The following NCOA4 variants were observed in gnomAD, a reference collection of about 807,000 sequenced individuals.
NCOA4 encodes the protein 70 kDa AR-activator.
In NCOA4, 31 loss-of-function variants were observed where a neutral mutation model predicts 69.5. The observed-to-expected ratio is 0.45, with a 90% CI of 0.34 to 0.60. The LOEUF (loss-of-function observed/expected upper bound fraction) is 0.60, where lower values mean the gene tolerates loss of function less well. Ranked by LOEUF, NCOA4 falls within the 20% of genes least tolerant of loss-of-function variation. The pLI is 0.02. For synonymous variants in NCOA4, 228 were observed against 252.4 expected (o/e 0.90, Z 0.92); for missense variants, 600 against 719.2 (o/e 0.83, Z 1.90).
chr10:46,009,675 C>T, intron 8 of NCOA4, 124 bp from the exon 9 acceptor site: 2 of 877,492 alleles, frequency 2.3e-6, no homozygotes, highest in Non-Finnish European at 1.7e-6. Context: ...CAACCAAAAA[C>T]AAAGGTGACA....
At chr10:46,027,512 A>T (rs1554925753) in intron 1 of NCOA4, 53 of 1,542,448 alleles carry the variant, frequency 3.4e-5, no homozygotes, top group Non-Finnish European at 4.6e-5. Context: ...ATGTTGAAGC[A>T]ATGTGTCCAG....
At position 46,005,848 on chromosome 10, in the gene NCOA4, AG is replaced by A. The variant is rs1838780168; in HGVS notation, c.*743del. ...GTACTGGGGTTCTTTTAAGCCCCGT[AG>A]GTCTGTAGAATATTTTAAAAGGCTA... is the stretch of plus-strand genomic sequence containing the variant. On this transcript the variant is annotated 3_prime_UTR_variant, in exon 10 of 10. Transcript: ENST00000581486. 4.8e-6 allele frequency: 1 copy of A among 207,516 alleles called. No individual in the cohort carries two copies. Among genetic ancestry groups the A allele is most frequent in the Non-Finnish European group, 9.8e-6 (1 of 101,700 alleles). The allele number at this position is 207,516 out of a possible 1,614,324, so 12.9% of individuals were successfully genotyped here. A position where few individuals can be genotyped will look rare whatever the true frequency, so the allele number is the denominator to read the frequency against.
At chr10:46,025,074 C>T (rs1554925274) in intron 1 of NCOA4, among the ~76,000 whole-genome samples, 1 of 152,078 alleles carries the variant, frequency 6.6e-6, no homozygotes. Flanking sequence ...AGCTGGAGAC[C>T]CTGGGATGCC....
chr10:46,020,180 G>C (rs1193682950), intron 1 of NCOA4, among the ~76,000 whole-genome samples: 1 of 152,190 alleles, frequency 6.6e-6, no homozygotes, highest in Non-Finnish European at 1.5e-5. Context: ...ATTTTCAACA[G>C]TTATTCACCA....
chr10:46,014,815 C>A (rs201532714), intron 4 of NCOA4, 39 bp downstream of exon 4: 9 of 1,538,980 alleles, frequency 5.8e-6, no homozygotes, highest in South Asian at 1.2e-5. Flanking sequence ...TACCAAAGTT[C>A]AAGAGTCAAA....
chr10:46,028,207 G>A (rs1840262655), intron 1 of NCOA4, among the ~76,000 whole-genome samples: 1 of 152,070 alleles, frequency 6.6e-6, no homozygotes. Context: ...TTCTCATTGA[G>A]GCCATTCCTC....
intron 7 of NCOA4, among the ~76,000 whole-genome samples, chr10:46,012,070 GAAAAAAAAAAAAAAAAAAAAAAA>G (rs71026286): frequency 2.2e-5 from 1 of 44,524 alleles, no homozygotes; most frequent in Non-Finnish European, 4.1e-5. Context: ...CAAAAAGAAA[GAAAAAAAAAAAAAAAAAAAAAAA>G]AAAAAAAAAA....
intron 1 of NCOA4, among the ~76,000 whole-genome samples, chr10:46,028,013 C>G (rs1398683342): frequency 6.6e-6 from 1 of 152,180 alleles, no homozygotes; most frequent in Non-Finnish European, 1.5e-5. Flanking sequence ...ACCATCATCT[C>G]TCTCCAGGAC....
In NCOA4 at chr10:46,005,694, C is replaced by G. The variant is rs1482488674; in HGVS notation, c.*898G>C. On this transcript the variant is annotated 3_prime_UTR_variant, in exon 10 of 10. Transcript: ENST00000581486. ...TTGCAGTGAGAGGATGACTTTATCC[C>G]TACTTAAAAGCACCAGGTGTCAAGC... The G allele has an allele frequency of 3.2e-5, 7 of 217,342 alleles. No individual in the cohort carries two copies. Among genetic ancestry groups the G allele is most frequent in the Non-Finnish European group, 6.5e-5 (7 of 107,816 alleles). 13.5% of individuals were successfully genotyped at this position (217,342 alleles called of 1,614,324 possible).
chr10:46,019,384 C>T (rs1839739988), intron 1 of NCOA4: 1 of 985,328 alleles, frequency 1.0e-6, no homozygotes, highest in South Asian at 4.7e-5. Context: ...TGGGCTGCTT[C>T]ACTTTGCACT....
intron 1 of NCOA4, among the ~76,000 whole-genome samples, chr10:46,021,873 C>T (rs948580673): frequency 2.6e-5 from 4 of 152,126 alleles, no homozygotes; most frequent in Admixed American, 6.5e-5. Flanking sequence ...GCAGGAGAAT[C>T]GCTTGAACCT....
At chr10:46,015,369 G>T in intron 2 of NCOA4, 103 bp from the exon 3 acceptor site, 2 of 452,848 alleles carry the variant, frequency 4.4e-6, no homozygotes, top group South Asian at 1.8e-5. Flanking sequence ...GGTGGGGTTG[G>T]GGGGACCACA....
At chr10:46,011,721 G>A (rs1234859778) in intron 7 of NCOA4, among the ~76,000 whole-genome samples, 1 of 151,962 alleles carries the variant, frequency 6.6e-6, no homozygotes, top group African/African-American at 2.4e-5. Context: ...AATAAGCAAA[G>A]GATATGATCA....
chr10:46,028,463 T>C (rs1554925890), intron 1 of NCOA4, among the ~76,000 whole-genome samples: 1 of 151,952 alleles, frequency 6.6e-6, no homozygotes, highest in East Asian at 1.9e-4. Context: ...TAGTCTACTA[T>C]GTGCCGAGCC....
chr10:46,016,387 C>T (rs1414530670), intron 2 of NCOA4, among the ~76,000 whole-genome samples, 153 bp downstream of exon 2: 4 of 152,120 alleles, frequency 2.6e-5, no homozygotes, highest in African/African-American at 9.7e-5. Flanking sequence ...ATGAAAGGCA[C>T]CAGTATATCA....
intron 1 of NCOA4, among the ~76,000 whole-genome samples, chr10:46,022,231 T>C (rs1436060783): frequency 6.6e-6 from 1 of 152,132 alleles, no homozygotes; most frequent in East Asian, 1.9e-4. Context: ...ATCCTAGTCA[T>C]TGCTAAAAGG....
chr10:46,012,103 A>AAAAAAAAAAAAAAAAAAAGG (rs1839266242), intron 7 of NCOA4, among the ~76,000 whole-genome samples: 1 of 128,058 alleles, frequency 7.8e-6, no homozygotes, highest in Non-Finnish European at 1.7e-5. Flanking sequence ...AAAAAAAAAA[A>AAAAAAAAAAAAAAAAAAAGG]CGAAAAAAGA....
In NCOA4 at chr10:46,010,750, C is replaced by T. The variant is rs199676251; in HGVS notation, c.1171G>A (p.Val391Ile). 14 of 1,610,838 alleles carry T rather than the reference C, an allele frequency of 8.7e-6. No homozygotes were observed. The highest frequency in any genetic ancestry group is 1.2e-5 in the Non-Finnish European group (14 of 1,179,064). ...TTACATGGGTCCTGATGGTTCTGGA[C>T]AAGCCAATCCTCTGTAACCATGCTG... ...TPSMVTEDWLVQNHQDPCKVE... is the reference protein window; with the variant it reads ...TPSMVTEDWLIQNHQDPCKVE... Residue 391 changes from valine to isoleucine, a missense_variant, in exon 8 of 10, where the codon GTC (valine) becomes ATC (isoleucine). Coordinates refer to ENST00000581486, the MANE Select transcript of NCOA4 (RefSeq NM_001145263.2).
chr10:46,007,582 T>C (rs1439131645), intron 9 of NCOA4, among the ~76,000 whole-genome samples: 1,252 of 45,090 alleles, frequency 0.028, 17 homozygotes, highest in Non-Finnish European at 0.041. Flanking sequence ...CCAGTGACTC[T>C]TTTTTTTTTT....
Sources: gnomAD v4.1 joint callset for allele counts (sites outside exome capture counted in the v4.1 genomes callset) on GRCh38, gnomAD v4.1.1 for gene constraint, MANE v1.5 for transcripts, NCBI Gene and HGNC (gene_info 2026-07-23, HGNC 2026-07-21) for gene names.